Variants in MCF2L2 observed in about 807,000 individuals in gnomAD.
MCF2L2 encodes the protein MCF.2 cell line derived transforming sequence-like 2.
MCF2L2 carries 102 observed loss-of-function variants against 150.2 expected under a neutral mutation model. That is an observed-to-expected ratio of 0.68 (90% CI 0.58 to 0.80). The LOEUF is 0.80. Among genes scored for constraint, MCF2L2 ranks in the 30% least tolerant of loss-of-function variants. MCF2L2 has a pLI of 0.00. For missense variants in MCF2L2, 1,256 were observed against 1,372.8 expected, an observed-to-expected ratio of 0.91 and a Z score of 1.34; for synonymous variants, 465 against 491.3, an observed-to-expected ratio of 0.95 and a Z score of 0.71.
intron 2 of MCF2L2, among the ~76,000 whole-genome samples, chr3:183,383,345 C>T (rs1429625931): frequency 6.6e-6 from 1 of 152,154 alleles, no homozygotes; most frequent in Non-Finnish European, 1.5e-5. Flanking sequence ...AGCGATTCTC[C>T]TGCCTCAGCC....
At chr3:183,388,449 A>T (rs2108596914) in intron 2 of MCF2L2, among the ~76,000 whole-genome samples, 1 of 152,328 alleles carries the variant, frequency 6.6e-6, no homozygotes, top group African/African-American at 2.4e-5. Context: ...CTGTGCCTTC[A>T]GGAGGCTGGT....
Position 183,298,765 on chromosome 3 carries a change from G to GCGCGCGCGCGCACACA in MCF2L2, c.1305+1239_1305+1240insTGTGTGCGCGCGCGCG. ...CCCTCTCTCTCTCTCAAACACACAT[G>GCGCGCGCGCGCACACA]CACACACACACACACACACACACAC... On this transcript the variant is annotated intron_variant, in intron 11 of 29. Transcript: ENST00000328913. The GCGCGCGCGCGCACACA allele has an allele frequency of 8.9e-4, 124 of 138,582 alleles. 5 individuals carry two copies. Among genetic ancestry groups the GCGCGCGCGCGCACACA allele is most frequent in the African/African-American group, 3.4e-3 (116 of 34,616 alleles). 8.6% of individuals were successfully genotyped at this position (138,582 alleles called of 1,614,324 possible). A position where few individuals can be genotyped will look rare whatever the true frequency, so the allele number is the denominator to read the frequency against.
chr3:183,201,342 A>G (rs1210209671), intron 25 of MCF2L2, among the ~76,000 whole-genome samples: 2 of 152,088 alleles, frequency 1.3e-5, no homozygotes, highest in Non-Finnish European at 2.9e-5. Context: ...GGTCCTTCAC[A>G]TCCCTTGTAA....
intron 14 of MCF2L2, among the ~76,000 whole-genome samples, chr3:183,278,056 G>C (rs1253684228): frequency 6.6e-6 from 1 of 151,070 alleles, no homozygotes; most frequent in Non-Finnish European, 1.5e-5. Context: ...ATGGTGGCAG[G>C]CACCTGTAAT....
At chr3:183,205,010 T>C (rs1722422708) in intron 25 of MCF2L2, among the ~76,000 whole-genome samples, 1 of 152,194 alleles carries the variant, frequency 6.6e-6, no homozygotes, top group Non-Finnish European at 1.5e-5. Flanking sequence ...GATTGCTAAT[T>C]GGTACAGAAT....
At chr3:183,376,900 TAG>T (rs1713217968) in intron 3 of MCF2L2, 1 of 152,332 alleles carries the variant, frequency 6.6e-6, no homozygotes, top group South Asian at 2.1e-4. Context: ...TTCTAGTCCC[TAG>T]AGAGTGTCTT....
intron 15 of MCF2L2, chr3:183,269,588 G>C: frequency 2.1e-6 from 1 of 485,688 alleles, no homozygotes; most frequent in Non-Finnish European, 3.6e-6. Context: ...TGACGTGCCA[G>C]TGTCCTCGTT....
Position 183,229,701 on chromosome 3 carries a change from A to G in MCF2L2, c.2010T>C (p.Phe670=). The G allele has an allele frequency of 6.3e-7, 1 of 1,594,864 alleles. No homozygotes were observed. Among genetic ancestry groups the G allele is most frequent in the Non-Finnish European group, 8.6e-7 (1 of 1,165,242 alleles). Residue 670 remains phenylalanine (F), a synonymous_variant, in exon 17 of 30, where the codon TTT becomes TTC. Transcript: ENST00000328913. ...DVLQNNKDFL[F]GNIRELYEFH... is the part of the protein sequence containing the mutation. ...ATTCGTAAAGTTCTCTAATATTCCC[A>G]AAGAGAAAGTCCTTGTTATTCTGAA...
chr3:183,321,224 G>A (rs1215539267), intron 6 of MCF2L2, among the ~76,000 whole-genome samples: 1 of 152,186 alleles, frequency 6.6e-6, no homozygotes, highest in African/African-American at 2.4e-5. Flanking sequence ...GACCACTTGA[G>A]GTCAGGAGTT....
intron 3 of MCF2L2, among the ~76,000 whole-genome samples, chr3:183,354,312 A>G (rs893513604): frequency 7.9e-5 from 12 of 152,134 alleles, no homozygotes; most frequent in Non-Finnish European, 2.9e-5. Flanking sequence ...TGTGGGGAAA[A>G]TCTACATTCT....
chr3:183,329,785 T>C (rs182829186), intron 5 of MCF2L2, among the ~76,000 whole-genome samples: 1 of 152,344 alleles, frequency 6.6e-6, no homozygotes, highest in Admixed American at 6.5e-5. Context: ...ATAAAGTGCA[T>C]TTACACAAAC....
At chr3:183,391,323 G>A (rs952895536) in intron 1 of MCF2L2, among the ~76,000 whole-genome samples, 1 of 149,092 alleles carries the variant, frequency 6.7e-6, no homozygotes, top group Non-Finnish European at 1.5e-5. Context: ...TAAGCCCCAA[G>A]ATCCCCTTCA....
chr3:183,343,335 T>C (rs1186192681), intron 3 of MCF2L2, among the ~76,000 whole-genome samples: 1 of 151,836 alleles, frequency 6.6e-6, no homozygotes, highest in African/African-American at 2.4e-5. Context: ...GGCAAATGAA[T>C]GAATCTGAAG....
chr3:183,351,877 G>C (rs78154138), intron 3 of MCF2L2, among the ~76,000 whole-genome samples: 17,063 of 152,084 alleles, frequency 0.11, 1,571 homozygotes, highest in African/African-American at 0.24. Context: ...AATGGTGGGG[G>C]CTAACAGAAG....
At chr3:183,413,283 T>G (rs376317531) in intron 1 of MCF2L2, among the ~76,000 whole-genome samples, 65 of 152,326 alleles carry the variant, frequency 4.3e-4, no homozygotes, top group African/African-American at 1.4e-3. Context: ...ACCAATAACA[T>G]TAACAGTTGA....
Position 183,428,056 on chromosome 3 carries a change from A to T in MCF2L2, c.-79T>A, listed in dbSNP as rs1716268408. The stretch of plus-strand genomic sequence containing the variant: ...CTGCGGTGGATGATTTTTTAAAGGC[A>T]TCTCCGCCCAAGGATGCTCTGCCCT... On this transcript the variant is annotated 5_prime_UTR_variant, in exon 1 of 30. An upstream start codon of the reference 5' UTR is lost. Coordinates refer to ENST00000328913, the MANE Select transcript of MCF2L2 (RefSeq NM_015078.4). The surrounding 1 kb of genome is among the most constrained non-coding windows in gnomAD (Gnocchi z 5.1). 9.1e-7 allele frequency: 1 copy of T among 1,093,508 alleles called. No homozygotes were observed. The allele number at this position is 1,093,508 out of a possible 1,614,324, so 67.7% of individuals were successfully genotyped here.
intron 15 of MCF2L2, among the ~76,000 whole-genome samples, chr3:183,263,979 C>A (rs1349623525): frequency 6.6e-6 from 1 of 152,152 alleles, no homozygotes; most frequent in Non-Finnish European, 1.5e-5. Context: ...TCAGTGTGAG[C>A]CCTTGAGAAA....
intron 1 of MCF2L2, among the ~76,000 whole-genome samples, chr3:183,395,933 AAAAAAGAAAGAAAG>A (rs1283973997): frequency 5.4e-4 from 81 of 148,802 alleles, no homozygotes; most frequent in African/African-American, 1.9e-3. Flanking sequence ...AAAAAAAAAA[AAAAAAGAAAGAAAG>A]AAAGAAAGAA....
At chr3:183,240,932 T>A (rs1204559417) in intron 15 of MCF2L2, among the ~76,000 whole-genome samples, 1 of 152,262 alleles carries the variant, frequency 6.6e-6, no homozygotes, top group Non-Finnish European at 1.5e-5. Flanking sequence ...ACTATTGTAC[T>A]AATTGACCAG....
Sources: gnomAD v4.1 joint callset for allele counts (sites outside exome capture counted in the v4.1 genomes callset) on GRCh38, gnomAD v4.1.1 for gene constraint, Gnocchi (gnomAD v3.1) non-coding constraint, MANE v1.5 for transcripts, NCBI Gene and HGNC (gene_info 2026-07-23, HGNC 2026-07-21) for gene names.